Variants in RBBP8 observed in about 807,000 individuals in gnomAD.
RBBP8 encodes RB binding protein 8, endonuclease.
Under a neutral mutation model 108.3 loss-of-function variants are expected in RBBP8, and 88 were observed. The observed-to-expected ratio is 0.81, with a 90% CI of 0.68 to 0.97. The LOEUF is 0.97. Among genes scored for constraint, RBBP8 ranks in the 50% least tolerant of loss-of-function variants. The probability of loss-of-function intolerance (pLI) is 0.00; values close to 1 mark genes in which losing one functional copy is unlikely to be tolerated. For synonymous variants in RBBP8, 332 were observed against 348.2 expected (o/e 0.95, Z 0.52); for missense variants, 1,023 against 1,049.0 (o/e 0.98, Z 0.34).
At chr18:22,934,490 TC>T (rs1414977945) in intron 1 of RBBP8, among the ~76,000 whole-genome samples, 2 of 152,194 alleles carry the variant, frequency 1.3e-5, no homozygotes, top group Admixed American at 1.3e-4. Flanking sequence ...TCTTTTTTTT[TC>T]TTTTTGCTGC....
At chr18:22,931,965 T>C (rs542307269), upstream of RBBP8, among the ~76,000 whole-genome samples, 1 of 152,296 alleles carries the variant, frequency 6.6e-6, no homozygotes, top group Non-Finnish European at 1.5e-5. Flanking sequence ...AGCCTAGCAG[T>C]AGACTAGGTA....
At chr18:23,001,802 ACAAAGG>A in intron 15 of RBBP8, 73 bp downstream of exon 15, 3 of 1,547,766 alleles carry the variant, frequency 1.9e-6, no homozygotes, top group Non-Finnish European at 1.8e-6. Context: ...AAGCTAATTA[ACAAAGG>A]CTTGATGACA....
rs570668350 is a variant in RBBP8 at position 22,998,828 on chromosome 18, C to A, written c.2143+1094C>A. On this transcript the variant is annotated intron_variant, in intron 14 of 18. Transcript: ENST00000327155. ...TTGTTCTTCAATGACAAATAGCAAA[C>A]CATATGATGAAGCAGATGGTTACCT... is the stretch of plus-strand genomic sequence containing the variant. Among the ~76,000 whole-genome samples, 4 of 152,274 alleles carry A rather than the reference C, an allele frequency of 2.6e-5. No homozygotes were observed. In the East Asian group the frequency reaches 7.7e-4, roughly 29 times the overall value.
chr18:23,010,098 A>G (rs546030727), intron 16 of RBBP8, among the ~76,000 whole-genome samples: 2 of 152,230 alleles, frequency 1.3e-5, no homozygotes, highest in African/African-American at 2.4e-5. Context: ...GAAATCACTC[A>G]AGTTGTATAT....
intron 3 of RBBP8, among the ~76,000 whole-genome samples, chr18:22,946,942 AGTT>A (rs1257881572): frequency 6.6e-6 from 1 of 152,124 alleles, no homozygotes; most frequent in Admixed American, 6.5e-5. Flanking sequence ...CCTTTTAGGT[AGTT>A]TGAAATTACT....
intron 17 of RBBP8, among the ~76,000 whole-genome samples, chr18:23,018,244 ACAGGGTTTCAC>A (rs1437369969): frequency 6.6e-6 from 1 of 151,568 alleles, no homozygotes; most frequent in East Asian, 1.9e-4. Context: ...TTTAGTAGAG[ACAGGGTTTCAC>A]CATGTTGGTC....
chr18:22,989,395 A>T, intron 9 of RBBP8, 77 bp downstream of exon 9: 1 of 1,080,352 alleles, frequency 9.3e-7, no homozygotes, highest in Non-Finnish European at 1.4e-6. Flanking sequence ...GAATTAAGCA[A>T]GAGAATTGTT....
Position 22,993,798 on chromosome 18 carries a change from GT to G in RBBP8, c.1892del (p.Leu631Ter). 3.7e-6 allele frequency: 6 copies of G among 1,613,666 alleles called. No individual in the cohort carries two copies. The highest frequency in any genetic ancestry group is 5.1e-6 in the Non-Finnish European group (6 of 1,179,638). On this transcript the variant is annotated frameshift_variant, in exon 12 of 19. Coordinates refer to ENST00000327155, the MANE Select transcript of RBBP8 (RefSeq NM_002894.3). LOFTEE classifies it high-confidence loss of function. ...GGCELASVLQ[L>X]NPCRTGKIKS... The stretch of plus-strand genomic sequence containing the variant: ...GATGTGAACTTGCATCAGTTCTTCA[GT>G]TAAATCCATGTAGAACTGGTAAAAT...
intron 4 of RBBP8, 54 bp from the exon 5 acceptor site, chr18:22,968,752 C>G: frequency 1.4e-6 from 2 of 1,447,276 alleles, no homozygotes. Flanking sequence ...TCTTGGAATT[C>G]CAAAGAAGGA....
At chr18:23,022,663 T>TAA (rs368137173) in intron 18 of RBBP8, among the ~76,000 whole-genome samples, 21,672 of 95,972 alleles carry the variant, frequency 0.23, 5,433 homozygotes, top group Non-Finnish European at 0.34. Context: ...TAAAATAAAA[T>TAA]AAAATAAATA....
At chr18:23,022,323 G>A (rs971025286) in intron 18 of RBBP8, 53 bp downstream of exon 18, 21 of 1,522,800 alleles carry the variant, frequency 1.4e-5, no homozygotes, top group South Asian at 2.3e-5. Flanking sequence ...ATACTTGGCC[G>A]GGCACAGTGG....
intron 3 of RBBP8, among the ~76,000 whole-genome samples, chr18:22,918,478 T>A (rs1909453293): frequency 6.6e-6 from 1 of 152,158 alleles, no homozygotes; most frequent in Admixed American, 6.6e-5. Flanking sequence ...TATCTAAACA[T>A]ATACTGACAT....
At chr18:23,002,976 G>A (rs1270004976) in intron 15 of RBBP8, among the ~76,000 whole-genome samples, 2 of 152,048 alleles carry the variant, frequency 1.3e-5, no homozygotes, top group East Asian at 1.9e-4. Context: ...ACTATTTTTC[G>A]CAAAGGTGTA....
At chr18:22,978,907 A>C (rs1193578792) in intron 6 of RBBP8, among the ~76,000 whole-genome samples, 1 of 152,226 alleles carries the variant, frequency 6.6e-6, no homozygotes, top group Non-Finnish European at 1.5e-5. Flanking sequence ...ATCATTCTAC[A>C]CTGTAAACAT....
chr18:22,947,675 G>A (rs1411285200), intron 3 of RBBP8, among the ~76,000 whole-genome samples: 1 of 152,044 alleles, frequency 6.6e-6, no homozygotes, highest in Admixed American at 6.6e-5. Flanking sequence ...TTTGGATGAG[G>A]TCCAGGGTAG....
intron 12 of RBBP8, among the ~76,000 whole-genome samples, chr18:22,996,137 G>C (rs1348255135): frequency 2.0e-5 from 3 of 151,992 alleles, no homozygotes; most frequent in African/African-American, 7.2e-5. Flanking sequence ...ATGTTTATTG[G>C]CAATTTGTAT....
chr18:22,943,043 C>G (rs1429227708), intron 2 of RBBP8, among the ~76,000 whole-genome samples: 1 of 151,926 alleles, frequency 6.6e-6, no homozygotes, highest in African/African-American at 2.4e-5. Flanking sequence ...TTTCTTGATT[C>G]ATTTTTTAAT....
intron 18 of RBBP8, among the ~76,000 whole-genome samples, chr18:23,023,850 C>T (rs2046411109): frequency 7.0e-6 from 1 of 142,422 alleles, no homozygotes; most frequent in Admixed American, 7.2e-5. Context: ...CATTTAATAG[C>T]TAGTTTTTAT....
chr18:22,936,081 T>C (rs1910551233), intron 1 of RBBP8, among the ~76,000 whole-genome samples: 2 of 152,168 alleles, frequency 1.3e-5, no homozygotes, highest in Non-Finnish European at 2.9e-5. Flanking sequence ...TCAGTATGTT[T>C]CACCAATTCA....
Sources: gnomAD v4.1 joint callset for allele counts (sites outside exome capture counted in the v4.1 genomes callset) on GRCh38, gnomAD v4.1.1 for gene constraint, MANE v1.5 for transcripts, NCBI Gene and HGNC (gene_info 2026-07-23, HGNC 2026-07-21) for gene names.